PDZRN4: variants seen among roughly 807,000 people sequenced by gnomAD.
PDZRN4 encodes the protein PDZ domain-containing RING finger protein 4.
A neutral mutation model predicts 99.0 loss-of-function variants in PDZRN4; 70 were observed. The ratio of observed to expected loss-of-function variants is 0.71; its 90% confidence interval spans 0.58 to 0.86. The LOEUF (loss-of-function observed/expected upper bound fraction) is 0.86. Among genes scored for constraint, PDZRN4 ranks in the 40% least tolerant of loss-of-function variants. PDZRN4 has a pLI of 0.00. For synonymous variants in PDZRN4, 551 were observed against 501.6 expected (o/e 1.10, Z -1.32); for missense variants, 1,474 against 1,331.2 (o/e 1.11, Z -1.67).
At chr12:41,303,367 G>C (rs2120934718) in intron 3 of PDZRN4, among the ~76,000 whole-genome samples, 1 of 152,294 alleles carries the variant, frequency 6.6e-6, no homozygotes, top group Non-Finnish European at 1.5e-5. Context: ...TTTGATCACA[G>C]TTATGTATGA....
intron 8 of PDZRN4, among the ~76,000 whole-genome samples, chr12:41,565,185 T>C (rs922295118): frequency 6.6e-6 from 1 of 152,140 alleles, no homozygotes; most frequent in African/African-American, 2.4e-5. Flanking sequence ...TGCTGAAGGA[T>C]GAATTTTCAA....
intron 3 of PDZRN4, among the ~76,000 whole-genome samples, chr12:41,388,474 TG>T (rs748131653): frequency 6.6e-6 from 1 of 152,222 alleles, no homozygotes; most frequent in Non-Finnish European, 1.5e-5. Flanking sequence ...TGGCTTTTAC[TG>T]TAATTGAAAT....
intron 3 of PDZRN4, among the ~76,000 whole-genome samples, chr12:41,205,014 ATTATT>A (rs978833553): frequency 1.4e-4 from 21 of 151,926 alleles, no homozygotes; most frequent in African/African-American, 4.6e-4. Context: ...AAGACATTTA[ATTATT>A]TTATTTTATT....
chr12:41,459,447 T>C (rs1217978606), intron 3 of PDZRN4, among the ~76,000 whole-genome samples: 1 of 152,204 alleles, frequency 6.6e-6, no homozygotes, highest in Non-Finnish European at 1.5e-5. Context: ...TAAATGAACA[T>C]TCAGAAATTG....
intron 3 of PDZRN4, among the ~76,000 whole-genome samples, chr12:41,255,678 G>A (rs981416465): frequency 6.6e-6 from 1 of 152,150 alleles, no homozygotes; most frequent in African/African-American, 2.4e-5. Flanking sequence ...AGAAAGAAAA[G>A]AGGTTTAATT....
chr12:41,198,649 T>C (rs964273466), intron 3 of PDZRN4, among the ~76,000 whole-genome samples: 10 of 148,510 alleles, frequency 6.7e-5, no homozygotes, highest in Admixed American at 1.3e-4. Context: ...TTAGGAGATA[T>C]ACCTAATGCT....
intron 3 of PDZRN4, among the ~76,000 whole-genome samples, chr12:41,291,572 T>A (rs1330561060): frequency 1.3e-5 from 2 of 152,198 alleles, no homozygotes; most frequent in African/African-American, 4.8e-5. Context: ...TTATTCATCC[T>A]AAGCCTCCCA....
At chr12:41,320,699 CAT>C (rs140088027) in intron 3 of PDZRN4, among the ~76,000 whole-genome samples, 24,555 of 151,802 alleles carry the variant, frequency 0.16, 2,390 homozygotes, top group Non-Finnish European at 0.22. Flanking sequence ...AAAGTCTTAA[CAT>C]GTGAACATTT....
chr12:41,484,985 A>T (rs574455024), intron 3 of PDZRN4, among the ~76,000 whole-genome samples: 1 of 152,102 alleles, frequency 6.6e-6, no homozygotes, highest in South Asian at 2.1e-4. Flanking sequence ...CTCCCTAATC[A>T]TCCATCCCAT....
rs562500461 is a variant in PDZRN4, at chr12:41,221,031, G to A, written c.843+26843G>A. On this transcript the variant is annotated intron_variant, in intron 3 of 9. Transcript: ENST00000402685. ...AGTTCTAGGCAAAGGAATACAAATG[G>A]AAGTAATATTGTTTCTAGGCCATGA... Among the ~76,000 whole-genome samples, 11 of 152,288 alleles carry A rather than the reference G, an allele frequency of 7.2e-5. No homozygotes were observed. In the South Asian group the frequency reaches 2.3e-3, roughly 32 times the overall value.
intron 3 of PDZRN4, among the ~76,000 whole-genome samples, chr12:41,356,212 G>T (rs1055266259): frequency 1.3e-5 from 2 of 151,862 alleles, no homozygotes; most frequent in African/African-American, 4.8e-5. Context: ...AAATTAAACT[G>T]CACCCAATTG....
intron 5 of PDZRN4, among the ~76,000 whole-genome samples, chr12:41,538,766 G>T (rs558971133): frequency 6.6e-6 from 1 of 151,780 alleles, no homozygotes; most frequent in Admixed American, 6.6e-5. Flanking sequence ...AATACTACTC[G>T]AATTTCTTTA....
At chr12:41,223,251 A>G (rs1950970287) in intron 3 of PDZRN4, among the ~76,000 whole-genome samples, 1 of 152,196 alleles carries the variant, frequency 6.6e-6, no homozygotes, top group Non-Finnish European at 1.5e-5. Flanking sequence ...TTTGGAATAT[A>G]ATAAATAAAT....
At chr12:41,527,099 G>A (rs1938581406) in intron 5 of PDZRN4, among the ~76,000 whole-genome samples, 1 of 152,130 alleles carries the variant, frequency 6.6e-6, no homozygotes, top group African/African-American at 2.4e-5. Context: ...ATACAGATGT[G>A]GTACAGAGAA....
At chr12:41,255,037 T>C (rs1367589934) in intron 3 of PDZRN4, among the ~76,000 whole-genome samples, 1 of 152,108 alleles carries the variant, frequency 6.6e-6, no homozygotes, top group Non-Finnish European at 1.5e-5. Context: ...GTCACACAAC[T>C]GCCCTCCAGC....
chr12:41,314,325 C>T (rs1391757475), intron 3 of PDZRN4, among the ~76,000 whole-genome samples: 2 of 152,140 alleles, frequency 1.3e-5, no homozygotes, highest in African/African-American at 4.8e-5. Context: ...CCCTTCCTTT[C>T]TCATTCATTG....
In PDZRN4 at chr12:41,452,755, A is replaced by T. The variant is rs139845351; in HGVS notation, c.844-53701A>T. On this transcript the variant is annotated intron_variant, in intron 3 of 9. Coordinates refer to ENST00000402685, the MANE Select transcript of PDZRN4 (RefSeq NM_001164595.2). ...AAGTCCAAATGAAGTAATAGTATGT[A>T]ACTAATTGTGAACCTGAATATCCAT... Among the ~76,000 whole-genome samples the T allele has an allele frequency of 1.1e-4, 16 of 152,344 alleles. No homozygotes were observed. The East Asian group carries it at 3.1e-3, about 29-fold the overall frequency.
At chr12:41,533,084 C>T (rs1038655142) in intron 5 of PDZRN4, among the ~76,000 whole-genome samples, 3 of 151,950 alleles carry the variant, frequency 2.0e-5, no homozygotes, top group Middle Eastern at 3.4e-3. Flanking sequence ...ACTTCTAATT[C>T]TGTCATTTTT....
At chr12:41,382,569 G>C (rs955449306) in intron 3 of PDZRN4, among the ~76,000 whole-genome samples, 2 of 152,156 alleles carry the variant, frequency 1.3e-5, no homozygotes, top group Non-Finnish European at 2.9e-5. Flanking sequence ...ATACAGAAGA[G>C]GGCCCTAGGA....
Sources: allele counts gnomAD v4.1 joint callset (sites outside exome capture counted in the v4.1 genomes callset), GRCh38; gene constraint gnomAD v4.1.1; transcripts MANE v1.5; gene names NCBI Gene and HGNC (gene_info 2026-07-23, HGNC 2026-07-21).